C3orf20: variants seen among roughly 807,000 people sequenced by gnomAD.
C3orf20 encodes uncharacterized protein C3orf20.
In C3orf20, 76 loss-of-function variants were observed where a neutral mutation model predicts 88.3. The observed-to-expected ratio is 0.86, with a 90% CI of 0.72 to 1.04. C3orf20 has a LOEUF of 1.04. Among genes scored for constraint, C3orf20 ranks in the 50% least tolerant of loss-of-function variants. The pLI is 0.00. For synonymous variants in C3orf20, 436 were observed against 437.4 expected, an observed-to-expected ratio of 1.00 and a Z score of 0.04; for missense variants, 1,056 against 1,123.3, an observed-to-expected ratio of 0.94 and a Z score of 0.86.
intron 1 of C3orf20, among the ~76,000 whole-genome samples, chr3:14,676,084 G>C (rs2031750528): frequency 6.6e-6 from 1 of 151,368 alleles, no homozygotes; most frequent in South Asian, 2.1e-4. Flanking sequence ...TTTTCTGTGG[G>C]GTGTACTGCA....
chr3:14,696,179 G>A (rs1485657104), intron 5 of C3orf20, among the ~76,000 whole-genome samples: 1 of 149,370 alleles, frequency 6.7e-6, no homozygotes, highest in Non-Finnish European at 1.5e-5. Flanking sequence ...GTTACCATGA[G>A]GCTTGCAAAT....
Position 14,694,365 on chromosome 3 carries a change from A to G in C3orf20, c.745+4249A>G, listed in dbSNP as rs952737609. On this transcript the variant is annotated intron_variant, in intron 5 of 16. Transcript: ENST00000253697. The stretch of plus-strand genomic sequence containing the variant: ...TTTTTATTATAGTTTCAATCTCGTT[A>G]CTTGTTATTGGTCTGTTCAGGTTTT... Among the ~76,000 whole-genome samples the G allele has an allele frequency of 2.0e-5, 3 of 152,178 alleles. No individual in the cohort carries two copies. In the East Asian group the frequency reaches 5.8e-4, roughly 29 times the overall value.
Position 14,686,196 on chromosome 3 carries a change from G to GTGTGTGTGTGTC in C3orf20, c.625+1825_625+1826insCTGTGTGTGTGT, listed in dbSNP as rs1199678091. On this transcript the variant is annotated intron_variant, in intron 4 of 16. Coordinates refer to ENST00000253697, the MANE Select transcript of C3orf20 (RefSeq NM_032137.5). ...TTTTTAATAGCTGAATCATATTCGT[G>GTGTGTGTGTGTC]TGTGTGTGTGTGTGTGACATTTTCT... is the stretch of plus-strand genomic sequence containing the variant. Among the ~76,000 whole-genome samples the GTGTGTGTGTGTC allele has an allele frequency of 5.1e-3, 778 of 151,778 alleles. 6 individuals carry two copies. Among genetic ancestry groups the GTGTGTGTGTGTC allele is most frequent in the African/African-American group, 0.018 (730 of 41,426 alleles).
intron 5 of C3orf20, among the ~76,000 whole-genome samples, chr3:14,693,466 A>T (rs2032829315): frequency 6.6e-6 from 1 of 151,858 alleles, no homozygotes; most frequent in Admixed American, 6.6e-5. Flanking sequence ...TTTTAAATGG[A>T]ATTACTTTCT....
rs1289633528 is a variant in C3orf20, at chr3:14,714,107, GC to G, written c.1264del (p.Leu422TyrfsTer14). ...TGACATACCTGGATTCTCCTTGCTGGCCCTATTCAATACTGAAGGCCAGGGC... is the reference window on the plus strand; with the variant it reads ...TGACATACCTGGATTCTCCTTGCTGGCCTATTCAATACTGAAGGCCAGGGC... ...FNDIPGFSLL[A>X]LFNTEGQGCV... On this transcript the variant is annotated frameshift_variant, in exon 8 of 17. Coordinates refer to ENST00000253697, the MANE Select transcript of C3orf20 (RefSeq NM_032137.5). LOFTEE classifies it high-confidence loss of function. The G allele has an allele frequency of 6.2e-7, 1 of 1,613,916 alleles. No homozygotes were observed. Among genetic ancestry groups the G allele is most frequent in the Non-Finnish European group, 8.5e-7 (1 of 1,180,020 alleles).
intron 7 of C3orf20, among the ~76,000 whole-genome samples, chr3:14,713,554 A>C (rs2033827180): frequency 6.6e-6 from 1 of 152,244 alleles, no homozygotes. Context: ...TGATAGCATT[A>C]GAAATATTGC....
intron 5 of C3orf20, 39 bp downstream of exon 5, chr3:14,690,155 T>C (rs1202740613): frequency 1.4e-5 from 22 of 1,612,742 alleles, no homozygotes; most frequent in Non-Finnish European, 1.8e-5. Context: ...TCATTGGTGG[T>C]GGCGGTGGGG....
At chr3:14,762,338 C>T (rs1247801743) in intron 15 of C3orf20, among the ~76,000 whole-genome samples, 1 of 152,196 alleles carries the variant, frequency 6.6e-6, no homozygotes, top group African/African-American at 2.4e-5. Context: ...GCCCAGCTCT[C>T]GTGAGATGAT....
rs148820892 is a variant in C3orf20, at chr3:14,759,326, T to G, written c.2245-565T>G. Among the ~76,000 whole-genome samples the G allele has an allele frequency of 1.8e-4, 28 of 152,276 alleles. No homozygotes were observed. The East Asian group carries it at 5.2e-3, about 28-fold the overall frequency. ...GAAGACAGCACATTGGCTGTATTAATAGATCTGAGGCATCCAGAAAGAAGG... is the reference window on the plus strand; with the variant it reads ...GAAGACAGCACATTGGCTGTATTAAGAGATCTGAGGCATCCAGAAAGAAGG... On this transcript the variant is annotated intron_variant, in intron 13 of 16. Transcript: ENST00000253697.
rs766336867 is a variant in C3orf20, at chr3:14,761,485, G to A, written c.2365G>A (p.Gly789Arg). The change falls in exon 15 of 17, where the codon GGG (glycine) becomes AGG (arginine). Residue 789 changes from glycine (G) to arginine (R), a missense_variant. Gly to Arg is a moderately radical substitution (Grantham distance 125). Coordinates refer to ENST00000253697, the MANE Select transcript of C3orf20 (RefSeq NM_032137.5). The stretch of plus-strand genomic sequence containing the variant: ...TTCCTGTCAACAGATGTTTGCCGGG[G>A]GGAAGCTCATTTTTGGGGGCCGTGT... ...VQGMILMFAG[G>R]KLIFGGRVLN... 5 of 1,614,032 alleles carry A rather than the reference G, an allele frequency of 3.1e-6. No homozygotes were observed. In the East Asian group the frequency reaches 6.7e-5, roughly 22 times the overall value.
At chr3:14,680,059 C>T (rs1367691722) in intron 1 of C3orf20, among the ~76,000 whole-genome samples, 1 of 152,164 alleles carries the variant, frequency 6.6e-6, no homozygotes, top group Non-Finnish European at 1.5e-5. Context: ...CAAAACGCCA[C>T]TGGTGGGACT....
intron 10 of C3orf20, 52 bp from the exon 11 acceptor site, chr3:14,726,849 C>T: frequency 6.2e-7 from 1 of 1,611,606 alleles, no homozygotes; most frequent in Non-Finnish European, 8.5e-7. Flanking sequence ...GACTAGGCAG[C>T]TGGCTCTTTG....
chr3:14,721,338 A>T (rs1264308990), intron 9 of C3orf20, among the ~76,000 whole-genome samples: 1 of 152,184 alleles, frequency 6.6e-6, no homozygotes, highest in Non-Finnish European at 1.5e-5. Context: ...CTGCATTCCC[A>T]ATTCATCTTT....
At position 14,772,769 on chromosome 3, in the gene C3orf20, G is replaced by A. The variant is rs200654550; in HGVS notation, c.2631-22G>A. 1.2e-4 allele frequency: 185 copies of A among 1,603,844 alleles called. No homozygotes were observed. The African/African-American group carries it at 2.0e-3, about 18-fold the overall frequency. The stretch of plus-strand genomic sequence containing the variant: ...GTGAAGAACAGCCCTTCCGCCTCCC[G>A]GCCCTCTATTTTGATCTTTAGGACA... On this transcript the variant is annotated intron_variant, in intron 16 of 16. Transcript: ENST00000253697. This position sits in a 1 kb window ranked among gnomAD's most constrained non-coding sequence, Gnocchi z 4.2.
At chr3:14,769,790 CAGGG>C (rs1351413478) in intron 15 of C3orf20, among the ~76,000 whole-genome samples, 7 of 152,048 alleles carry the variant, frequency 4.6e-5, no homozygotes, top group African/African-American at 9.7e-5. Context: ...AGGCTGGAGA[CAGGG>C]AGAACAGGGA....
intron 15 of C3orf20, among the ~76,000 whole-genome samples, chr3:14,763,752 C>T (rs2035623491): frequency 6.6e-6 from 1 of 152,144 alleles, no homozygotes; most frequent in African/African-American, 2.4e-5. Context: ...GAGTGAGACT[C>T]ACTGTATTGG....
chr3:14,738,390 G>A (rs544853608), intron 12 of C3orf20, among the ~76,000 whole-genome samples: 13 of 146,452 alleles, frequency 8.9e-5, no homozygotes, highest in Admixed American at 2.0e-4. Context: ...GTGCAGTGGC[G>A]TGATCTCAGC....
At chr3:14,735,938 A>G (rs1266617587) in intron 12 of C3orf20, among the ~76,000 whole-genome samples, 2 of 152,128 alleles carry the variant, frequency 1.3e-5, no homozygotes, top group East Asian at 1.9e-4. Context: ...ATTTGCCCAC[A>G]TATTTACTTT....
chr3:14,696,558 T>C (rs1373584813), intron 5 of C3orf20, among the ~76,000 whole-genome samples: 2 of 151,808 alleles, frequency 1.3e-5, no homozygotes, highest in Admixed American at 6.6e-5. Flanking sequence ...ACCCAGCTAA[T>C]TTTTGTATTT....
Sources: gnomAD v4.1 joint callset for allele counts (sites outside exome capture counted in the v4.1 genomes callset) on GRCh38, gnomAD v4.1.1 for gene constraint, Gnocchi (gnomAD v3.1) non-coding constraint, MANE v1.5 for transcripts, NCBI Gene and HGNC (gene_info 2026-07-23, HGNC 2026-07-21) for gene names.